The following OMA1 variants were observed in gnomAD, a reference collection of about 807,000 sequenced individuals.
OMA1 encodes the protein OMA1 zinc metallopeptidase.
In OMA1, 38 loss-of-function variants were observed where a neutral mutation model predicts 30.9. The observed-to-expected ratio is 1.23, with a 90% CI of 0.95 to 1.61. The LOEUF (loss-of-function observed/expected upper bound fraction) is 1.61. Ranked by LOEUF, OMA1 falls within the 40% of genes most tolerant of loss-of-function variation. The pLI is 0.00. For missense variants in OMA1, 461 were observed against 349.2 expected, an observed-to-expected ratio of 1.32 and a Z score of -2.55; for synonymous variants, 173 against 121.9, an observed-to-expected ratio of 1.42 and a Z score of -2.76.
In OMA1 at chr1:58,539,256, G is replaced by A. The variant is rs1226196388; in HGVS notation, c.39C>T (p.Asn13=). 1.2e-6 allele frequency: 1 copy of A among 867,570 alleles called. No homozygotes were observed. The highest frequency in any genetic ancestry group is 2.0e-6 in the Non-Finnish European group (1 of 500,152). The allele number at this position is 867,570 out of a possible 1,614,324, so 53.7% of individuals were successfully genotyped here. A position where few individuals can be genotyped will look rare whatever the true frequency, so the allele number is the denominator to read the frequency against. ...FICGLQSAAR[N]HVFFRFNSLS... ...GTGAATTAAATCGGAAGAAAACATGGTTTCTAGCAGCAGACTGCAATCCAC... is the reference window on the plus strand; with the variant it reads ...GTGAATTAAATCGGAAGAAAACATGATTTCTAGCAGCAGACTGCAATCCAC... The change falls in exon 2 of 9, where the codon AAC becomes AAT. Residue 13 remains asparagine, a synonymous_variant. Coordinates refer to ENST00000371226, the MANE Select transcript of OMA1 (RefSeq NM_145243.5).
At chr1:58,522,065 A>G (rs977082863) in intron 7 of OMA1, among the ~76,000 whole-genome samples, 4 of 152,252 alleles carry the variant, frequency 2.6e-5, no homozygotes, top group Admixed American at 2.6e-4. Flanking sequence ...AAAATTAGGT[A>G]TATTTCCCCA....
chr1:58,529,370 A>C (rs1646398403), intron 6 of OMA1, among the ~76,000 whole-genome samples: 1 of 152,220 alleles, frequency 6.6e-6, no homozygotes, highest in African/African-American at 2.4e-5. Flanking sequence ...GAAAGATGTA[A>C]AACAAAAAAA....
intron 1 of OMA1, among the ~76,000 whole-genome samples, chr1:58,539,888 G>T (rs183218375): frequency 6.6e-6 from 1 of 152,242 alleles, no homozygotes; most frequent in East Asian, 1.9e-4. Flanking sequence ...AGTAAACCAA[G>T]GTTGCTAGAG....
chr1:58,498,867 GT>G (rs1645849101), intron 8 of OMA1, among the ~76,000 whole-genome samples: 1 of 152,070 alleles, frequency 6.6e-6, no homozygotes, highest in African/African-American at 2.4e-5. Flanking sequence ...ATTCTGACTA[GT>G]TTTTGAAGTG....
chr1:58,495,439 T>C (rs188979513), intron 8 of OMA1, among the ~76,000 whole-genome samples: 3 of 152,074 alleles, frequency 2.0e-5, no homozygotes, highest in Admixed American at 2.0e-4. Context: ...AATACATTCC[T>C]TTTTTTAGGA....
At chr1:58,482,878 G>C (rs977721184) in intron 8 of OMA1, among the ~76,000 whole-genome samples, 1 of 152,114 alleles carries the variant, frequency 6.6e-6, no homozygotes, top group East Asian at 1.9e-4. Context: ...GACCTCACAG[G>C]TCATGCTAAG....
chr1:58,542,294 C>T (rs568911288), intron 1 of OMA1, among the ~76,000 whole-genome samples: 1 of 152,238 alleles, frequency 6.6e-6, no homozygotes, highest in Admixed American at 6.5e-5. Flanking sequence ...ATAATTTAAG[C>T]CTAGAAGTCA....
intron 1 of OMA1, chr1:58,541,570 T>C (rs1646615860): frequency 7.7e-6 from 1 of 129,454 alleles, no homozygotes; most frequent in African/African-American, 3.0e-5. Context: ...TGAGCCAAAA[T>C]TGTGCCACTA....
chr1:58,494,609 G>A (rs1645762305), intron 8 of OMA1, among the ~76,000 whole-genome samples: 2 of 151,998 alleles, frequency 1.3e-5, no homozygotes, highest in African/African-American at 4.8e-5. Flanking sequence ...GTGGGTGAAG[G>A]ATATGAACAG....
At chr1:58,524,280 A>G (rs989392552) in intron 7 of OMA1, among the ~76,000 whole-genome samples, 1 of 152,192 alleles carries the variant, frequency 6.6e-6, no homozygotes, top group Non-Finnish European at 1.5e-5. Flanking sequence ...ATTTTCTTAA[A>G]GCATCTGGGA....
intron 1 of OMA1, among the ~76,000 whole-genome samples, chr1:58,544,382 A>T (rs578034863): frequency 6.6e-6 from 1 of 152,352 alleles, no homozygotes; most frequent in East Asian, 1.9e-4. Context: ...ATTTGCAAAA[A>T]TAGTAATGAG....
chr1:58,532,457 T>C (rs900303663), intron 5 of OMA1, among the ~76,000 whole-genome samples: 2 of 150,602 alleles, frequency 1.3e-5, no homozygotes, highest in African/African-American at 2.5e-5. Context: ...ACTTGAAAGA[T>C]ATTAGAGTGC....
At chr1:58,518,058 T>C (rs1020780855) in intron 7 of OMA1, among the ~76,000 whole-genome samples, 4 of 150,822 alleles carry the variant, frequency 2.7e-5, no homozygotes, top group African/African-American at 7.3e-5. Context: ...TGGTGGCACA[T>C]GCCTGTAATC....
chr1:58,519,373 T>A (rs894059779), intron 7 of OMA1, among the ~76,000 whole-genome samples: 1 of 152,162 alleles, frequency 6.6e-6, no homozygotes, highest in Admixed American at 6.5e-5. Flanking sequence ...ACAGGATTCA[T>A]CTGCAGACAC....
intron 7 of OMA1, among the ~76,000 whole-genome samples, chr1:58,515,091 C>A (rs1646139159): frequency 6.6e-6 from 1 of 152,224 alleles, no homozygotes; most frequent in Non-Finnish European, 1.5e-5. Context: ...CATACCTCCA[C>A]AGGTTCATCA....
chr1:58,524,717 T>C (rs1209356152), intron 7 of OMA1, among the ~76,000 whole-genome samples: 1 of 152,208 alleles, frequency 6.6e-6, no homozygotes, highest in Non-Finnish European at 1.5e-5. Flanking sequence ...ACTCAACTTT[T>C]TCTTGTAATA....
chr1:58,509,340 T>A (rs1646036983), intron 7 of OMA1, among the ~76,000 whole-genome samples: 1 of 149,140 alleles, frequency 6.7e-6, no homozygotes. Flanking sequence ...ACAGAAAATG[T>A]AAAAAAGTAC....
At chr1:58,509,268 TC>T (rs1646036069) in intron 7 of OMA1, among the ~76,000 whole-genome samples, 1 of 151,614 alleles carries the variant, frequency 6.6e-6, no homozygotes, top group Non-Finnish European at 1.5e-5. Flanking sequence ...AAAATAACCA[TC>T]ATAAAGACAC....
chr1:58,495,381 G>T (rs1316590318), intron 8 of OMA1, among the ~76,000 whole-genome samples: 1 of 152,046 alleles, frequency 6.6e-6, no homozygotes, highest in Admixed American at 6.6e-5. Flanking sequence ...TAACACACCT[G>T]CATGTTGTGC....
Sources: allele counts gnomAD v4.1 joint callset (sites outside exome capture counted in the v4.1 genomes callset), GRCh38; gene constraint gnomAD v4.1.1; transcripts MANE v1.5; gene names NCBI Gene and HGNC (gene_info 2026-07-23, HGNC 2026-07-21).